Variants in CIMIP6 observed in about 807,000 individuals in gnomAD.
CIMIP6 encodes the protein uncharacterized protein C2orf73.
At chr2:54,334,043 G>A in the CIMIP6 span, among the ~76,000 whole-genome samples, 1 of 152,212 alleles carries the variant, frequency 6.6e-6, no homozygotes, top group African/African-American at 2.4e-5. Context: ...CTCACCTGCT[G>A]TGGGATCATG....
At chr2:54,378,682 C>A in the CIMIP6 span, among the ~76,000 whole-genome samples, 1 of 152,168 alleles carries the variant, frequency 6.6e-6, no homozygotes, top group African/African-American at 2.4e-5. Flanking sequence ...TAACAATTCA[C>A]AAAACCATAC....
At chr2:54,376,418 A>T in the CIMIP6 span, among the ~76,000 whole-genome samples, 726 of 152,280 alleles carry the variant, frequency 4.8e-3, 3 homozygotes, top group African/African-American at 0.017. Flanking sequence ...AGTCTTAAGG[A>T]TCCCTAAAAT....
chr2:54,380,008 T>A, the CIMIP6 span, among the ~76,000 whole-genome samples: 1 of 147,788 alleles, frequency 6.8e-6, no homozygotes, highest in South Asian at 2.1e-4. Context: ...CTTGGTGTGG[T>A]GTTGTGCACC....
chr2:54,331,082 G>A, the CIMIP6 span: 1 of 1,423,532 alleles, frequency 7.0e-7, no homozygotes, highest in African/African-American at 1.4e-5. Flanking sequence ...ATCCAGCATG[G>A]ACAGTCCAGG....
the CIMIP6 span, among the ~76,000 whole-genome samples, chr2:54,381,311 C>T: frequency 3.9e-4 from 60 of 152,292 alleles, 2 homozygotes; most frequent in African/African-American, 1.4e-3. Flanking sequence ...TCCTAACTGA[C>T]CCCCAAATGA....
chr2:54,360,879 G>T, the CIMIP6 span: 1 of 183,986 alleles, frequency 5.4e-6, no homozygotes, highest in East Asian at 1.5e-4. Context: ...GGACAGCTTT[G>T]GAATCAAACA....
the CIMIP6 span, among the ~76,000 whole-genome samples, chr2:54,345,205 G>A: frequency 6.6e-6 from 1 of 152,050 alleles, no homozygotes; most frequent in Non-Finnish European, 1.5e-5. Context: ...ACATAGCAGG[G>A]GAGCCTTCAT....
the CIMIP6 span, chr2:54,359,198 T>C: frequency 1.5e-6 from 1 of 651,558 alleles, no homozygotes; most frequent in Non-Finnish European, 2.7e-6. Context: ...ATTAATAGGA[T>C]AGAATGTTAG....
chr2:54,351,988 G>GAA, the CIMIP6 span, among the ~76,000 whole-genome samples: 3 of 150,490 alleles, frequency 2.0e-5, no homozygotes, highest in Non-Finnish European at 3.0e-5. Flanking sequence ...TCCACAAGAA[G>GAA]AAAAAAAAAC....
chr2:54,350,429 G>A, the CIMIP6 span, among the ~76,000 whole-genome samples: 1 of 152,196 alleles, frequency 6.6e-6, no homozygotes, highest in Admixed American at 6.5e-5. Flanking sequence ...CTGAGGACGG[G>A]ACTCAGCTGG....
chr2:54,377,946 G>T, the CIMIP6 span, among the ~76,000 whole-genome samples: 1 of 152,168 alleles, frequency 6.6e-6, no homozygotes, highest in Non-Finnish European at 1.5e-5. Flanking sequence ...GAAGTATAAG[G>T]GTTGACATAC....
chr2:54,365,367 A>G, the CIMIP6 span, among the ~76,000 whole-genome samples: 1 of 152,166 alleles, frequency 6.6e-6, no homozygotes, highest in Non-Finnish European at 1.5e-5. Context: ...CACACACGAG[A>G]CAATGTGGAA....
the CIMIP6 span, among the ~76,000 whole-genome samples, chr2:54,346,120 G>A: frequency 6.6e-6 from 1 of 152,074 alleles, no homozygotes; most frequent in Non-Finnish European, 1.5e-5. Flanking sequence ...TGAACAAAAT[G>A]TATGTAATTA....
At chr2:54,374,518 C>T in the CIMIP6 span, among the ~76,000 whole-genome samples, 4 of 152,156 alleles carry the variant, frequency 2.6e-5, no homozygotes, top group Non-Finnish European at 4.4e-5. Context: ...ATAATGCTTA[C>T]AGAACCAATA....
the CIMIP6 span, chr2:54,334,970 A>G: frequency 2.5e-6 from 4 of 1,605,476 alleles, no homozygotes; most frequent in Non-Finnish European, 3.4e-6. Context: ...CAAATGCAAG[A>G]ACATACAATG....
At chr2:54,339,408 G>T in the CIMIP6 span, among the ~76,000 whole-genome samples, 4 of 74,310 alleles carry the variant, frequency 5.4e-5, 2 homozygotes, top group Non-Finnish European at 1.4e-4. Flanking sequence ...ATTTAACTTT[G>T]CTTTTCTCAC....
chr2:54,382,102 A>C, the CIMIP6 span: 1 of 1,250,624 alleles, frequency 8.0e-7, no homozygotes, highest in Middle Eastern at 2.8e-4. Flanking sequence ...TACAAAGCAC[A>C]AATTTCCTAC....
At chr2:54,373,270 C>T in the CIMIP6 span, among the ~76,000 whole-genome samples, 9 of 152,094 alleles carry the variant, frequency 5.9e-5, no homozygotes, top group South Asian at 6.2e-4. Context: ...TCAGTCTTTC[C>T]GGAACCTGCC....
chr2:54,335,694 C>G, the CIMIP6 span, among the ~76,000 whole-genome samples: 1 of 152,264 alleles, frequency 6.6e-6, no homozygotes. Context: ...GCTGATGTTA[C>G]AAATTTTCAC....
Sources: gnomAD v4.1 joint callset for allele counts (sites outside exome capture counted in the v4.1 genomes callset) on GRCh38, gnomAD v4.1.1 for gene constraint, MANE v1.5 for transcripts, NCBI Gene and HGNC (gene_info 2026-07-23, HGNC 2026-07-21) for gene names.